The following PODN variants were observed in gnomAD, a reference collection of about 807,000 sequenced individuals.
The protein encoded by PODN is podocan proteoglycan.
In PODN, 40 loss-of-function variants were observed where a neutral mutation model predicts 52.7. That is an observed-to-expected ratio of 0.76 (90% confidence interval 0.59 to 0.99). PODN has a LOEUF of 0.99. Among genes scored for constraint, PODN ranks in the 50% least tolerant of loss-of-function variants. The pLI, the probability that PODN is intolerant of heterozygous loss-of-function variation, is 0.00. For missense variants in PODN, 720 were observed against 815.1 expected (o/e 0.88, Z 1.42); for synonymous variants, 396 against 377.9 (o/e 1.05, Z -0.56).
At chr1:53,077,830 G>A (rs374902356) in intron 7 of PODN, 30 bp downstream of exon 7, 94 of 1,593,660 alleles carry the variant, frequency 5.9e-5, no homozygotes, top group Middle Eastern at 1.7e-4. Context: ...GGTCCTTGGC[G>A]TGACCACGGG....
chr1:53,080,745 G>T lies in PODN; in HGVS notation c.1530G>T (p.Gly510=). ...CCCTGCAGCTGCTGGACATCGCCGGGAATCAGCTCACAGAGATCCCCGAGG... is the reference window on the plus strand; with the variant it reads ...CCCTGCAGCTGCTGGACATCGCCGGTAATCAGCTCACAGAGATCCCCGAGG... The part of the protein sequence containing the change: ...LAHLQLLDIA[G]NQLTEIPEGL... The change falls in exon 9 of 11, where the codon GGG becomes GGT. Residue 510 remains glycine, a synonymous_variant. Coordinates refer to ENST00000312553, the MANE Select transcript of PODN (RefSeq NM_153703.5). 1.2e-6 allele frequency: 2 copies of T among 1,614,016 alleles called. 1 individual carries two copies. Among genetic ancestry groups the T allele is most frequent in the South Asian group, 2.2e-5 (2 of 91,054 alleles).
rs1321627249 is a variant in PODN at position 53,074,811 on chromosome 1, G to A, written c.471+141G>A. 3 of 518,200 alleles carry A rather than the reference G, an allele frequency of 5.8e-6. 1 individual carries two copies. Among genetic ancestry groups the A allele is most frequent in the East Asian group, 4.9e-5 (1 of 20,396 alleles). The allele number at this position is 518,200 out of a possible 1,614,324, so 32.1% of individuals were successfully genotyped here. A position where few individuals can be genotyped will look rare whatever the true frequency, so the allele number is the denominator to read the frequency against. ...CTGCTCAGACATGGCCCTGGGTCGG[G>A]GGTGGGGGAGACACGGACCCCATGC... On this transcript the variant is annotated intron_variant, in intron 4 of 10. Coordinates refer to ENST00000312553, the MANE Select transcript of PODN (RefSeq NM_153703.5).
intron 8 of PODN, among the ~76,000 whole-genome samples, chr1:53,079,718 C>G (rs1644254502): frequency 6.6e-6 from 1 of 152,160 alleles, no homozygotes; most frequent in African/African-American, 2.4e-5. Flanking sequence ...GAAATCCACT[C>G]TATACGCTGG....
intron 9 of PODN, among the ~76,000 whole-genome samples, 200 bp from the exon 10 acceptor site, chr1:53,081,781 A>C (rs1644299153): frequency 6.6e-6 from 1 of 152,142 alleles, no homozygotes; most frequent in East Asian, 1.9e-4. Context: ...AGCCAGCCCC[A>C]CCACAAGCTG....
At chr1:53,076,737 A>T (rs958898744) in intron 5 of PODN, among the ~76,000 whole-genome samples, 2 of 152,040 alleles carry the variant, frequency 1.3e-5, no homozygotes, top group East Asian at 3.9e-4. Context: ...TGAATGGATG[A>T]GGGCCACCTC....
rs1644306086 is a variant in PODN, at chr1:53,082,159, T to C, written c.1840T>C (p.Ter614GlnextTer1). The stretch of plus-strand genomic sequence containing the variant: ...GGAGGAGGAGGAAGAGGAAACAAGA[T>C]AGTGACAAGGTGATGCAGATGTGAC... ...EEEEEEEETR[*>Q] Residue 614 changes from the stop codon to glutamine (Q), a stop_lost, in exon 10 of 11, where the codon TAG becomes CAG. Coordinates refer to ENST00000312553, the MANE Select transcript of PODN (RefSeq NM_153703.5). 1 of 1,601,588 alleles carries C rather than the reference T, an allele frequency of 6.2e-7. No individual in the cohort carries two copies. The highest frequency in any genetic ancestry group is 8.5e-7 in the Non-Finnish European group (1 of 1,174,432).
intron 1 of PODN, chr1:53,063,524 G>A (rs1276187070): frequency 3.0e-6 from 3 of 985,588 alleles, no homozygotes; most frequent in Non-Finnish European, 3.6e-6. Flanking sequence ...GGTGAGCAAG[G>A]AGGCCGGCTG....
chr1:53,065,646 G>C (rs1398831647), intron 1 of PODN, among the ~76,000 whole-genome samples: 1 of 152,156 alleles, frequency 6.6e-6, no homozygotes, highest in African/African-American at 2.4e-5. Flanking sequence ...TCACGCTCCT[G>C]CCTTTCAGTG....
At chr1:53,075,682 A>G (rs542105989) in intron 4 of PODN, among the ~76,000 whole-genome samples, 180 bp from the exon 5 acceptor site, 1 of 152,288 alleles carries the variant, frequency 6.6e-6, no homozygotes, top group South Asian at 2.1e-4. Flanking sequence ...AGTGCTGAGG[A>G]CAGCCAGAGA....
Position 53,084,871 on chromosome 1 carries a change from A to G in PODN, c.*386A>G, listed in dbSNP as rs2282339. 13,976 of 152,246 alleles carry G rather than the reference A, an allele frequency of 0.092. 1,019 individuals are homozygous for G. Among genetic ancestry groups the G allele is most frequent in the East Asian group, 0.23 (1,153 of 5,116 alleles). 9.4% of individuals were successfully genotyped at this position (152,246 alleles called of 1,614,324 possible). ...TCCCCCTGCTGACATGTGTATGCGTATGCATACACACCACACACACACACA... is the reference window on the plus strand; with the variant it reads ...TCCCCCTGCTGACATGTGTATGCGTGTGCATACACACCACACACACACACA... On this transcript the variant is annotated 3_prime_UTR_variant, in exon 11 of 11. Transcript: ENST00000312553.
At chr1:53,067,981 A>C (rs1273844312) in intron 1 of PODN, among the ~76,000 whole-genome samples, 1 of 151,774 alleles carries the variant, frequency 6.6e-6, no homozygotes, top group East Asian at 1.9e-4. Context: ...GAAAAGGAGC[A>C]GCAGCAGAGG....
intron 3 of PODN, among the ~76,000 whole-genome samples, chr1:53,074,207 A>G (rs1179008034): frequency 1.3e-5 from 2 of 152,208 alleles, no homozygotes; most frequent in Non-Finnish European, 2.9e-5. Context: ...CCAGAGCCGC[A>G]GCCCCACCCT....
rs1219118305 is a variant in PODN, at chr1:53,080,719, C to T, written c.1513-9C>T. On this transcript the variant is annotated splice_polypyrimidine_tract_variant and intron_variant, in intron 8 of 10. Coordinates refer to ENST00000312553, the MANE Select transcript of PODN (RefSeq NM_153703.5). ...TGGGAGTCCCTGACTCCCTTGGTCA[C>T]CCCTGCAGCTGCTGGACATCGCCGG... The T allele has an allele frequency of 6.2e-7, 1 of 1,613,196 alleles. No individual in the cohort carries two copies. Among genetic ancestry groups the T allele is most frequent in the South Asian group, 1.1e-5 (1 of 90,910 alleles).
intron 9 of PODN, 107 bp downstream of exon 9, chr1:53,080,983 A>AC: frequency 7.0e-7 from 1 of 1,426,316 alleles, no homozygotes; most frequent in Non-Finnish European, 9.6e-7. Flanking sequence ...CTGCCTGTGT[A>AC]ACCACGGCTC....
In PODN at chr1:53,062,324, AGCCGGGGTGGGCCGAGGG is replaced by A. The variant is rs1257428377; in HGVS notation, c.-56+24_-56+41del. On this transcript the variant is annotated intron_variant, in intron 1 of 10. Transcript: ENST00000312553. ...GGCGCAGCAGGTACAGGGCGCTGGC[AGCCGGGGTGGGCCGAGGG>A]GCCGGGGGCTGAGCCCGGGCAGCGC... 8.0e-7 allele frequency: 1 copy of A among 1,244,182 alleles called. No homozygotes were observed. Among genetic ancestry groups the A allele is most frequent in the Non-Finnish European group, 1.0e-6 (1 of 986,922 alleles). The allele number at this position is 1,244,182 out of a possible 1,614,324, so 77.1% of individuals were successfully genotyped here. A position where few individuals can be genotyped will look rare whatever the true frequency, so the allele number is the denominator to read the frequency against.
intron 1 of PODN, among the ~76,000 whole-genome samples, chr1:53,065,599 T>C (rs961767464): frequency 2.0e-5 from 3 of 152,192 alleles, no homozygotes; most frequent in East Asian, 1.9e-4. Context: ...CCTGTCCCAA[T>C]TGCGCACCCT....
At chr1:53,065,670 A>T (rs1454689845) in intron 1 of PODN, among the ~76,000 whole-genome samples, 1 of 152,164 alleles carries the variant, frequency 6.6e-6, no homozygotes, top group Admixed American at 6.5e-5. Flanking sequence ...CTCGTCTTCC[A>T]GTGATAAGGA....
chr1:53,069,854 C>A lies in PODN; in HGVS notation c.-2C>A. ...TCTGACTCGGCACCCCCTGCAGGCA[C>A]CATGGCCCAGAGCCGGGTGCTGCTG... is the stretch of plus-strand genomic sequence containing the variant. On this transcript the variant is annotated 5_prime_UTR_variant, in exon 2 of 11. Coordinates refer to ENST00000312553, the MANE Select transcript of PODN (RefSeq NM_153703.5). The A allele has an allele frequency of 6.3e-7, 1 of 1,575,482 alleles. No homozygotes were observed. Among genetic ancestry groups the A allele is most frequent in the Non-Finnish European group, 8.6e-7 (1 of 1,160,996 alleles).
At chr1:53,079,067 A>G (rs1341545374) in intron 8 of PODN, 45 bp downstream of exon 8, 3 of 1,471,706 alleles carry the variant, frequency 2.0e-6, no homozygotes, top group Non-Finnish European at 2.7e-6. Context: ...GGAGGGGGGT[A>G]CTGGCATGGC....
Sources: gnomAD v4.1 joint callset for allele counts (sites outside exome capture counted in the v4.1 genomes callset) on GRCh38, gnomAD v4.1.1 for gene constraint, MANE v1.5 for transcripts, NCBI Gene and HGNC (gene_info 2026-07-23, HGNC 2026-07-21) for gene names.